MYO1H: variants seen among roughly 807,000 people sequenced by gnomAD.
The protein encoded by MYO1H is myosin IH, also known as unconventional myosin-Ih.
A neutral mutation model predicts 149.3 loss-of-function variants in MYO1H; 118 were observed. The ratio of observed to expected loss-of-function variants is 0.79; its 90% CI spans 0.68 to 0.92. The LOEUF (loss-of-function observed/expected upper bound fraction) is 0.92. Among genes scored for constraint, MYO1H ranks in the 40% least tolerant of loss-of-function variants. The pLI is 0.00. For missense variants in MYO1H, 1,212 were observed against 1,280.7 expected (o/e 0.95, Z 0.82); for synonymous variants, 447 against 465.2 (o/e 0.96, Z 0.50).
chr12:109,420,871 C>A, intron 15 of MYO1H, 110 bp from the exon 16 acceptor site: 1 of 709,924 alleles, frequency 1.4e-6, no homozygotes, highest in Non-Finnish European at 2.5e-6. Flanking sequence ...AAACTATGAG[C>A]TAATCCTAAG....
chr12:109,347,810 AATT>A (rs1485147677), upstream of MYO1H: 12 of 395,936 alleles, frequency 3.0e-5, no homozygotes, highest in Admixed American at 2.2e-4. Context: ...TCCCACCGTA[AATT>A]ATTAACTTAG....
intron 1 of MYO1H, among the ~76,000 whole-genome samples, chr12:109,377,886 T>C (rs1304536301): frequency 6.6e-6 from 1 of 152,218 alleles, no homozygotes; most frequent in Non-Finnish European, 1.5e-5. Context: ...GCCAGTGATG[T>C]CTTACCTCCT....
At chr12:109,327,938 G>A in the MYO1H span, among the ~76,000 whole-genome samples, 29,750 of 151,378 alleles carry the variant, frequency 0.2, 3,059 homozygotes, top group African/African-American at 0.24. Context: ...TGCTTTCTAT[G>A]CATCAACTCT....
At chr12:109,391,575 A>G (rs1045849063) in intron 2 of MYO1H, among the ~76,000 whole-genome samples, 2 of 152,138 alleles carry the variant, frequency 1.3e-5, no homozygotes, top group African/African-American at 4.8e-5. Flanking sequence ...AGAATGATTT[A>G]TATTTCTTTG....
intron 17 of MYO1H, 23 bp from the exon 18 acceptor site, chr12:109,425,923 T>G (rs1408065322): frequency 1.9e-6 from 3 of 1,559,450 alleles, no homozygotes; most frequent in Non-Finnish European, 2.7e-6. Flanking sequence ...TCGTTCTCTC[T>G]CTCTTTCTCT....
the MYO1H span, among the ~76,000 whole-genome samples, chr12:109,318,967 G>GTTTCTTTTTTTTTTTTT: frequency 1.3e-5 from 1 of 79,596 alleles, no homozygotes; most frequent in Non-Finnish European, 2.2e-5. Context: ...TGCGTTTTTG[G>GTTTCTTTTTTTTTTTTT]TTTTGTTTTT....
intron 31 of MYO1H, chr12:109,445,839 G>A: frequency 2.0e-6 from 2 of 985,466 alleles, no homozygotes; most frequent in African/African-American, 3.5e-5. Context: ...ATCCTTGTCA[G>A]TGAACCAGAA....
chr12:109,319,231 C>T, the MYO1H span, among the ~76,000 whole-genome samples: 1 of 151,936 alleles, frequency 6.6e-6, no homozygotes, highest in Non-Finnish European at 1.5e-5. Context: ...CTTCTCCATG[C>T]AATGGAATAT....
chr12:109,350,062 A>G (rs1868431878), intron 1 of MYO1H, among the ~76,000 whole-genome samples: 1 of 151,948 alleles, frequency 6.6e-6, no homozygotes, highest in Non-Finnish European at 1.5e-5. Context: ...GCTGAGTTTG[A>G]TGAACAAAGC....
chr12:109,350,983 G>T (rs1006585533), intron 1 of MYO1H, among the ~76,000 whole-genome samples: 58 of 105,536 alleles, frequency 5.5e-4, no homozygotes, highest in African/African-American at 2.4e-3. Flanking sequence ...TAGATTTATG[G>T]AACAACCACC....
chr12:109,314,685 C>T, the MYO1H span, among the ~76,000 whole-genome samples: 2 of 152,182 alleles, frequency 1.3e-5, no homozygotes. Context: ...TCTTTCAGGG[C>T]TCTGAGAGGC....
chr12:109,447,299 T>G, exon 32 of MYO1H: 1 of 900,510 alleles, frequency 1.1e-6, no homozygotes. Context: ...CCCGCAGCAC[T>G]AACAGATCAC....
chr12:109,340,624 CAA>C, the MYO1H span, among the ~76,000 whole-genome samples: 3 of 152,208 alleles, frequency 2.0e-5, no homozygotes, highest in African/African-American at 7.2e-5. Context: ...GTAAAAGAAA[CAA>C]ATTCAAAATT....
the MYO1H span, among the ~76,000 whole-genome samples, chr12:109,314,191 A>G: frequency 6.7e-6 from 1 of 148,480 alleles, no homozygotes; most frequent in East Asian, 2.0e-4. Context: ...GGCCTTTTTT[A>G]CTTTTTTTCT....
intron 1 of MYO1H, among the ~76,000 whole-genome samples, chr12:109,386,145 C>T (rs1045943033): frequency 3.3e-5 from 5 of 152,196 alleles, no homozygotes; most frequent in Non-Finnish European, 7.3e-5. Context: ...CTCTTTCACT[C>T]AGCATAATGT....
chr12:109,388,737 G>T, exon 2 of MYO1H: 2 of 1,611,482 alleles, frequency 1.2e-6, no homozygotes, highest in African/African-American at 2.7e-5. Flanking sequence ...GGCGCTGACT[G>T]CCCGGGACAA....
At chr12:109,327,912 T>C in the MYO1H span, among the ~76,000 whole-genome samples, 3 of 151,940 alleles carry the variant, frequency 2.0e-5, no homozygotes, top group Non-Finnish European at 2.9e-5. Flanking sequence ...TGCTCAGTGC[T>C]GGGTCCTGTC....
At chr12:109,353,393 C>CAAAAGAAAAAAAA (rs1868507662) in intron 1 of MYO1H, among the ~76,000 whole-genome samples, 1 of 79,298 alleles carries the variant, frequency 1.3e-5, no homozygotes, top group African/African-American at 4.7e-5. Context: ...GACTCCGTCT[C>CAAAAGAAAAAAAA]AAAAAAAAAA....
At chr12:109,443,285 CGT>C in intron 27 of MYO1H, among the ~76,000 whole-genome samples, 1 of 88,422 alleles carries the variant, frequency 1.1e-5, no homozygotes, top group South Asian at 4.3e-4. Flanking sequence ...TATATGTGTA[CGT>C]ATATATGTGT....
Sources: allele counts gnomAD v4.1 joint callset (sites outside exome capture counted in the v4.1 genomes callset), GRCh38; gene constraint gnomAD v4.1.1; transcripts MANE v1.5; gene names NCBI Gene and HGNC (gene_info 2026-07-23, HGNC 2026-07-21).